The following ARGLU1 variants were observed in gnomAD, a reference collection of about 807,000 sequenced individuals.
The protein encoded by ARGLU1 is arginine and glutamate rich 1, also known as arginine and glutamate-rich protein 1.
ARGLU1 carries 9 observed loss-of-function variants against 37.6 expected under a neutral mutation model. The observed-to-expected ratio is 0.24, with a 90% CI of 0.14 to 0.42. ARGLU1 has a LOEUF of 0.42. Among genes scored for constraint, ARGLU1 ranks in the 10% least tolerant of loss-of-function variants. The pLI is 1.00. For missense variants in ARGLU1, 211 were observed against 359.2 expected (o/e 0.59, Z 3.34); for synonymous variants, 166 against 138.5 (o/e 1.20, Z -1.39).
chr13:106,561,363 T>C (rs1457965025), intron 1 of ARGLU1, among the ~76,000 whole-genome samples: 1 of 151,582 alleles, frequency 6.6e-6, no homozygotes, highest in Non-Finnish European at 1.5e-5. Flanking sequence ...GGATAATGAG[T>C]ACCCAAGAAT....
chr13:106,544,379 C>T (rs1312144794), intron 3 of ARGLU1, among the ~76,000 whole-genome samples: 2 of 151,850 alleles, frequency 1.3e-5, no homozygotes, highest in African/African-American at 4.8e-5. Flanking sequence ...TAAAATCTGA[C>T]GAAGGTCACA....
At chr13:106,562,990 CA>C (rs745494550) in intron 1 of ARGLU1, among the ~76,000 whole-genome samples, 3,580 of 67,394 alleles carry the variant, frequency 0.053, 128 homozygotes, top group African/African-American at 0.18. Flanking sequence ...GACCCTGTCT[CA>C]AAAAAAAAAA....
chr13:106,548,142 C>CTATG (rs1433518134), intron 3 of ARGLU1, among the ~76,000 whole-genome samples: 4 of 152,120 alleles, frequency 2.6e-5, no homozygotes, highest in African/African-American at 7.2e-5. Flanking sequence ...TTTTGTTCTA[C>CTATG]TATGGCTTTA....
At chr13:106,553,275 A>G (rs1033576915) in intron 3 of ARGLU1, among the ~76,000 whole-genome samples, 1 of 152,208 alleles carries the variant, frequency 6.6e-6, no homozygotes, top group Non-Finnish European at 1.5e-5. Context: ...TATTGGATAT[A>G]TAAATTTTGT....
intron 2 of ARGLU1, 137 bp downstream of exon 2, chr13:106,559,295 G>T: frequency 6.5e-7 from 1 of 1,538,862 alleles, no homozygotes; most frequent in Middle Eastern, 1.7e-4. Context: ...ATTAACTTTC[G>T]CAGCAATGTT....
rs1412117028 is a variant in ARGLU1 at position 106,542,653 on chromosome 13, A to G, written c.*1343T>C. The stretch of plus-strand genomic sequence containing the variant: ...CAAACTGTCTAAAAAATATTGGGCA[A>G]AAATAAAAATATTTTCTCTACTTGA... On this transcript the variant is annotated 3_prime_UTR_variant, in exon 4 of 4. Coordinates refer to ENST00000400198, the MANE Select transcript of ARGLU1 (RefSeq NM_018011.4). 6.6e-6 allele frequency: 1 copy of G among 152,130 alleles called. No individual in the cohort carries two copies. Among genetic ancestry groups the G allele is most frequent in the African/African-American group, 2.4e-5 (1 of 41,450 alleles). 9.4% of individuals were successfully genotyped at this position (152,130 alleles called of 1,614,324 possible). A position where few individuals can be genotyped will look rare whatever the true frequency, so the allele number is the denominator to read the frequency against.
Position 106,567,474 on chromosome 13 carries a change from C to G in ARGLU1, c.347+99G>C. 2.3e-6 allele frequency: 2 copies of G among 853,062 alleles called. No homozygotes were observed. Among genetic ancestry groups the G allele is most frequent in the Non-Finnish European group, 3.5e-6 (2 of 564,904 alleles). 52.8% of individuals were successfully genotyped at this position (853,062 alleles called of 1,614,324 possible). On this transcript the variant is annotated intron_variant, in intron 1 of 3. Transcript: ENST00000400198. The surrounding 1 kb of genome is among the most constrained non-coding windows in gnomAD (Gnocchi z 4.3). ...CCGGTCCCCAGCCCCGGACCGTCCC[C>G]GCCATTCTCCCGGCCCGCACCGTCC...
intron 2 of ARGLU1, chr13:106,558,903 G>A (rs1880724144): frequency 1.0e-6 from 1 of 985,436 alleles, no homozygotes; most frequent in Non-Finnish European, 1.2e-6. Context: ...TGCTGAAGCA[G>A]GGTTTAGGGG....
intron 1 of ARGLU1, among the ~76,000 whole-genome samples, chr13:106,565,547 A>C (rs971368038): frequency 1.2e-4 from 19 of 152,348 alleles, no homozygotes; most frequent in African/African-American, 4.3e-4. Context: ...AGTACCTAGC[A>C]CAGTGCCTGG....
At chr13:106,544,263 A>C in intron 3 of ARGLU1, 103 bp from the exon 4 acceptor site, 3 of 958,958 alleles carry the variant, frequency 3.1e-6, no homozygotes, top group Non-Finnish European at 2.9e-6. Flanking sequence ...AAAAATTTTT[A>C]ATGCAAATGC....
At chr13:106,552,372 A>G (rs1322980366) in intron 3 of ARGLU1, among the ~76,000 whole-genome samples, 1 of 152,150 alleles carries the variant, frequency 6.6e-6, no homozygotes, top group African/African-American at 2.4e-5. Flanking sequence ...CCTTCCTTTG[A>G]CCAGTATGTT....
chr13:106,557,893 A>C lies in ARGLU1; in HGVS notation c.574-762T>G, dbSNP rs995311107. 1.0e-6 allele frequency: 1 copy of C among 985,346 alleles called. No homozygotes were observed. Among genetic ancestry groups the C allele is most frequent in the Non-Finnish European group, 1.2e-6 (1 of 829,928 alleles). The allele number at this position is 985,346 out of a possible 1,614,324, so 61.0% of individuals were successfully genotyped here. A position where few individuals can be genotyped will look rare whatever the true frequency, so the allele number is the denominator to read the frequency against. On this transcript the variant is annotated intron_variant, in intron 2 of 3. Coordinates refer to ENST00000400198, the MANE Select transcript of ARGLU1 (RefSeq NM_018011.4). This position sits in a 1 kb window ranked among gnomAD's most constrained non-coding sequence, Gnocchi z 5.0. ...AACATTCAGATGTTGACAATTTCGG[A>C]AGGCAGCTTATATTGTCATCTACAA...
At chr13:106,546,127 A>AT (rs1036415278) in intron 3 of ARGLU1, among the ~76,000 whole-genome samples, 2 of 151,688 alleles carry the variant, frequency 1.3e-5, no homozygotes, top group Non-Finnish European at 2.9e-5. Flanking sequence ...GTTTATTTTC[A>AT]TTTCTTTTGC....
At chr13:106,559,122 C>T in intron 2 of ARGLU1, 4 of 1,291,130 alleles carry the variant, frequency 3.1e-6, no homozygotes, top group Non-Finnish European at 4.0e-6. Flanking sequence ...CCCTGTCTCC[C>T]CACCGTCCTC....
chr13:106,557,449 A>G lies in ARGLU1; in HGVS notation c.574-318T>C. On this transcript the variant is annotated intron_variant, in intron 2 of 3. Transcript: ENST00000400198. The surrounding 1 kb of genome is among the most constrained non-coding windows in gnomAD (Gnocchi z 5.0). The stretch of plus-strand genomic sequence containing the variant: ...ACTGGATAGTATTTACCAAATTAAA[A>G]AAATAATATATAAAATATAAATAAA... 1.1e-6 allele frequency: 1 copy of G among 872,352 alleles called. No individual in the cohort carries two copies. The highest frequency in any genetic ancestry group is 1.6e-6 in the Non-Finnish European group (1 of 640,306). The allele number at this position is 872,352 out of a possible 1,614,324, so 54.0% of individuals were successfully genotyped here. A position where few individuals can be genotyped will look rare whatever the true frequency, so the allele number is the denominator to read the frequency against.
chr13:106,567,567 A>C lies in ARGLU1; in HGVS notation c.347+6T>G. 6.3e-7 allele frequency: 1 copy of C among 1,577,246 alleles called. No individual in the cohort carries two copies. The highest frequency in any genetic ancestry group is 8.7e-7 in the Non-Finnish European group (1 of 1,147,932). ...CGCCCCGGTCCCTCCCCGCGCGGGC[A>C]CTCACATTTTTCGCTGCCGCTCGAA... On this transcript the variant is annotated splice_donor_region_variant and intron_variant, in intron 1 of 3. Coordinates refer to ENST00000400198, the MANE Select transcript of ARGLU1 (RefSeq NM_018011.4). The surrounding 1 kb of genome is among the most constrained non-coding windows in gnomAD (Gnocchi z 4.3).
chr13:106,549,534 CAAT>C (rs1222410678), intron 3 of ARGLU1, among the ~76,000 whole-genome samples: 1 of 152,146 alleles, frequency 6.6e-6, no homozygotes, highest in Admixed American at 6.5e-5. Context: ...ATTCCATGTA[CAAT>C]GTTAAATAAC....
At chr13:106,551,937 T>C (rs116606274) in intron 3 of ARGLU1, among the ~76,000 whole-genome samples, 1,816 of 152,312 alleles carry the variant, frequency 0.012, 31 homozygotes, top group African/African-American at 0.041. Flanking sequence ...AAACTCCCCA[T>C]TGCAAGATAC....
chr13:106,544,804 C>T lies in ARGLU1; in HGVS notation c.658-644G>A, dbSNP rs1311686494. On this transcript the variant is annotated intron_variant, in intron 3 of 3. Coordinates refer to ENST00000400198, the MANE Select transcript of ARGLU1 (RefSeq NM_018011.4). ...CTATATTATAGTATCAGTAGACAAC[C>T]AAGAAACACGACAGACCCAATTACC... Among the ~76,000 whole-genome samples, 6 of 152,108 alleles carry T rather than the reference C, an allele frequency of 3.9e-5. No homozygotes were observed. In the South Asian group the frequency reaches 1.0e-3, roughly 26 times the overall value.
Sources: allele counts gnomAD v4.1 joint callset (sites outside exome capture counted in the v4.1 genomes callset), GRCh38; gene constraint gnomAD v4.1.1; non-coding constraint Gnocchi (gnomAD v3.1); transcripts MANE v1.5; gene names NCBI Gene and HGNC (gene_info 2026-07-23, HGNC 2026-07-21).